KANSL1: variants seen among roughly 807,000 people sequenced by gnomAD.
KANSL1 encodes KAT8 regulatory NSL complex subunit 1, also known as MLL1/MLL complex subunit KANSL1.
Under a neutral mutation model 103.6 loss-of-function variants are expected in KANSL1, and 22 were observed. That is an observed-to-expected ratio of 0.21 (90% CI 0.15 to 0.30). KANSL1 has a LOEUF of 0.30. Ranked by LOEUF, KANSL1 falls within the 10% of genes least tolerant of loss-of-function variation. The pLI is 1.00. For synonymous variants in KANSL1, 600 were observed against 527.6 expected (o/e 1.14, Z -1.88); for missense variants, 1,337 against 1,399.8 (o/e 0.96, Z 0.72).
In KANSL1 at chr17:46,171,059, G is replaced by A. The variant is rs796052601; in HGVS notation, c.1085C>T (p.Thr362Ile). 1.2e-6 allele frequency: 2 copies of A among 1,614,178 alleles called. No homozygotes were observed. Among genetic ancestry groups the A allele is most frequent in the African/African-American group, 1.3e-5 (1 of 75,042 alleles). ...AALRKAASET[T>I]TSEGLSNFLK... ...AAAGTTGCTAAGTCCCTCTGAAGTG[G>A]TGGTCTCACTGGCAGCTTTTCTCAA... Residue 362 changes from threonine to isoleucine, a missense_variant, in exon 2 of 15, where the codon ACC (threonine) becomes ATC (isoleucine). By Grantham distance (89) the Thr-to-Ile change is moderately conservative. This residue lies in a region of KANSL1 where 557 missense variants were observed against 476.4 expected (regional missense o/e 1.17). Transcript: ENST00000432791.
At chr17:46,072,196 A>G (rs1320302838) in intron 4 of KANSL1, among the ~76,000 whole-genome samples, 1 of 152,200 alleles carries the variant, frequency 6.6e-6, no homozygotes, top group African/African-American at 2.4e-5. Context: ...CTAAGAACCA[A>G]TGTCTACTAG....
At chr17:46,069,789 T>C (rs1232535318) in intron 4 of KANSL1, among the ~76,000 whole-genome samples, 2 of 150,842 alleles carry the variant, frequency 1.3e-5, no homozygotes, top group African/African-American at 4.9e-5. Flanking sequence ...AAAAAACAGA[T>C]TGGGAAGATA....
intron 1 of KANSL1, among the ~76,000 whole-genome samples, chr17:46,188,653 G>A (rs2147891653): frequency 6.6e-6 from 1 of 152,306 alleles, no homozygotes; most frequent in East Asian, 1.9e-4. Flanking sequence ...CGCTTCCCAA[G>A]ACATAGACTA....
At chr17:46,126,379 T>C (rs545216202) in intron 2 of KANSL1, among the ~76,000 whole-genome samples, 1 of 152,144 alleles carries the variant, frequency 6.6e-6, no homozygotes, top group South Asian at 2.1e-4. Context: ...GAGGCGGAGG[T>C]TGCAGTGAGT....
intron 10 of KANSL1, chr17:46,037,544 T>A (rs2077185882): frequency 1.3e-5 from 2 of 152,224 alleles, no homozygotes; most frequent in Admixed American, 1.3e-4. Context: ...AGTGTAATGG[T>A]AAAAGAGCTG....
chr17:46,055,387 C>T (rs2077885995), intron 6 of KANSL1, among the ~76,000 whole-genome samples: 1 of 151,550 alleles, frequency 6.6e-6, no homozygotes, highest in African/African-American at 2.4e-5. Context: ...ATCGCTTGAA[C>T]CCAGGAGGCA....
Position 46,094,679 on chromosome 17 carries a change from A to G in KANSL1, c.1312T>C (p.Trp438Arg). The G allele has an allele frequency of 6.2e-7, 1 of 1,614,194 alleles. No homozygotes were observed. ...VPLRRRSEWK[W>R]AADRAAIVSR... ...ACAATAGCTGCCCGGTCTGCAGCCCATTTCCATTCTGACCTGCGTCTCCTA... is the reference window on the plus strand; with the variant it reads ...ACAATAGCTGCCCGGTCTGCAGCCCGTTTCCATTCTGACCTGCGTCTCCTA... The change falls in exon 3 of 15, where the codon TGG becomes CGG. Residue 438 changes from tryptophan to arginine, a missense_variant. This residue lies in a region of KANSL1 where 780 missense variants were observed against 923.4 expected (regional missense o/e 0.84). Coordinates refer to ENST00000432791, the MANE Select transcript of KANSL1 (RefSeq NM_015443.4).
rs138423341 is a variant in KANSL1, at chr17:46,141,858, C to T, written c.1289+28997G>A. ...CTTCCTTGTATTATGAAACAAAAAA[C>T]GCTCTGATGAATTAAAAGGGTAGTT... On this transcript the variant is annotated intron_variant, in intron 2 of 14. Coordinates refer to ENST00000432791, the MANE Select transcript of KANSL1 (RefSeq NM_015443.4). 2.0e-4 allele frequency among the ~76,000 whole-genome samples: 31 copies of T among 152,294 alleles called. No individual in the cohort carries two copies. In the East Asian group the frequency reaches 5.6e-3, roughly 28 times the overall value.
chr17:46,102,249 A>ATG (rs2042353605), intron 2 of KANSL1, among the ~76,000 whole-genome samples: 1 of 151,850 alleles, frequency 6.6e-6, no homozygotes, highest in Admixed American at 6.6e-5. Flanking sequence ...AATGTACCAG[A>ATG]GCCAATACTT....
chr17:46,123,206 CT>C (rs1478942239), intron 2 of KANSL1, among the ~76,000 whole-genome samples: 1 of 152,046 alleles, frequency 6.6e-6, no homozygotes, highest in Non-Finnish European at 1.5e-5. Flanking sequence ...GCGAAACCCC[CT>C]CTCTACTAAA....
At chr17:46,139,630 CG>C (rs1235272476) in intron 2 of KANSL1, among the ~76,000 whole-genome samples, 19 of 152,204 alleles carry the variant, frequency 1.2e-4, no homozygotes, top group Non-Finnish European at 1.9e-4. Context: ...CTTGTGACCT[CG>C]GGAAGTCAAT....
At chr17:46,150,980 A>G (rs2045064666) in intron 2 of KANSL1, among the ~76,000 whole-genome samples, 1 of 152,190 alleles carries the variant, frequency 6.6e-6, no homozygotes, top group African/African-American at 2.4e-5. Flanking sequence ...ATGAATATAA[A>G]GAATAAAGAC....
chr17:46,114,681 A>G (rs2042967594), intron 2 of KANSL1, among the ~76,000 whole-genome samples: 1 of 152,264 alleles, frequency 6.6e-6, no homozygotes, highest in Non-Finnish European at 1.5e-5. Flanking sequence ...CTATATTAGG[A>G]AATGGCAATG....
chr17:46,055,479 AG>A (rs2077892364), intron 6 of KANSL1, among the ~76,000 whole-genome samples: 1 of 151,702 alleles, frequency 6.6e-6, no homozygotes, highest in African/African-American at 2.4e-5. Context: ...AAAAAAAAAA[AG>A]TGAAAAAAGA....
chr17:46,066,277 C>T (rs2078373052), intron 6 of KANSL1, among the ~76,000 whole-genome samples: 1 of 152,176 alleles, frequency 6.6e-6, no homozygotes, highest in Non-Finnish European at 1.5e-5. Flanking sequence ...TTCAGTCTCT[C>T]CCATTTCTAT....
At chr17:46,201,030 G>C (rs2047787630) in intron 1 of KANSL1, among the ~76,000 whole-genome samples, 1 of 151,998 alleles carries the variant, frequency 6.6e-6, no homozygotes, top group Non-Finnish European at 1.5e-5. Context: ...TCCTACCTCA[G>C]CTGCCCAAGT....
upstream of KANSL1, chr17:46,196,823 A>G (rs1367357316): frequency 1.5e-5 from 3 of 197,232 alleles, no homozygotes; most frequent in Non-Finnish European, 2.1e-5. Context: ...AAGACATTCC[A>G]TGGCCAGGCA....
chr17:46,092,715 T>TTTGG (rs1568438853), intron 3 of KANSL1, among the ~76,000 whole-genome samples: 3 of 21,616 alleles, frequency 1.4e-4, no homozygotes, highest in Admixed American at 8.4e-4. Flanking sequence ...TTTTTTTTTT[T>TTTGG]GGGGGGGGGG....
At chr17:46,128,473 A>G (rs1122381) in intron 2 of KANSL1, among the ~76,000 whole-genome samples, 21,684 of 152,024 alleles carry the variant, frequency 0.14, 2,130 homozygotes, top group Non-Finnish European at 0.22. Context: ...ATGCATATAT[A>G]TGTGCATAAG....
Sources: gnomAD v4.1 joint callset for allele counts (sites outside exome capture counted in the v4.1 genomes callset) on GRCh38, gnomAD v4.1.1 for gene constraint, gnomAD v4.1.1 regional missense constraint, MANE v1.5 for transcripts, NCBI Gene and HGNC (gene_info 2026-07-23, HGNC 2026-07-21) for gene names.